CCDC14: variants seen among roughly 807,000 people sequenced by gnomAD.
CCDC14 encodes the protein coiled-coil domain-containing protein 14.
A neutral mutation model predicts 81.4 loss-of-function variants in CCDC14; 71 were observed. The observed-to-expected ratio is 0.87, with a 90% CI of 0.72 to 1.06. The LOEUF (loss-of-function observed/expected upper bound fraction) is 1.06, where lower values mean the gene tolerates loss of function less well. CCDC14 is among the 50% of genes least tolerant of loss of function. The pLI, the probability that CCDC14 is intolerant of heterozygous loss-of-function variation, is 0.00. For missense variants in CCDC14, 1,046 were observed against 1,047.3 expected (o/e 1.00, Z 0.02); for synonymous variants, 332 against 364.8 (o/e 0.91, Z 1.03).
intron 12 of CCDC14, among the ~76,000 whole-genome samples, chr3:123,920,203 T>C (rs940070402): frequency 6.6e-6 from 1 of 151,950 alleles, no homozygotes; most frequent in East Asian, 1.9e-4. Flanking sequence ...TTTAAAATTA[T>C]CCAGTCAGAA....
At chr3:123,946,739 T>TA in intron 8 of CCDC14, 64 bp downstream of exon 8, 1 of 1,434,528 alleles carries the variant, frequency 7.0e-7, no homozygotes, top group East Asian at 2.3e-5. Context: ...AAATGATAGC[T>TA]AAATAACATG....
chr3:123,961,198 G>A lies in CCDC14; in HGVS notation c.-25C>T. ...TCTCTCGCCGCCTCAGAGAAGCCCAGACCGAGGGAAGTGAAGCCTCACGGT... is the reference window on the plus strand; with the variant it reads ...TCTCTCGCCGCCTCAGAGAAGCCCAAACCGAGGGAAGTGAAGCCTCACGGT... On this transcript the variant is annotated 5_prime_UTR_variant, in exon 1 of 13. Coordinates refer to ENST00000409697, the MANE Select transcript of CCDC14 (RefSeq NM_001366335.1). 6.4e-7 allele frequency: 1 copy of A among 1,551,640 alleles called. No homozygotes were observed. The highest frequency in any genetic ancestry group is 8.7e-7 in the Non-Finnish European group (1 of 1,147,002).
chr3:123,953,556 T>C (rs971957051), intron 5 of CCDC14: 2 of 152,202 alleles, frequency 1.3e-5, no homozygotes, highest in Admixed American at 6.5e-5. Flanking sequence ...CTAGCATCCA[T>C]GACACAGTAA....
At chr3:123,897,057 TA>T (rs1382601688), downstream of CCDC14, among the ~76,000 whole-genome samples, 1 of 152,148 alleles carries the variant, frequency 6.6e-6, no homozygotes, top group Non-Finnish European at 1.5e-5. Context: ...ATACAACTGG[TA>T]AGTGATGGCA....
the CCDC14 span, among the ~76,000 whole-genome samples, chr3:123,890,516 A>AATAAAGGG: frequency 6.6e-6 from 1 of 152,220 alleles, no homozygotes; most frequent in Non-Finnish European, 1.5e-5. Context: ...ATTTGGCCAA[A>AATAAAGGG]ATAAAGGGAC....
chr3:123,913,663 CTA>C lies in CCDC14; in HGVS notation c.*1114_*1115del. ...GCTGGCTCCTTCAAACGCTGTAGCACTAACACCTAAAAAAAAAAAAAAAACCA... is the reference window on the plus strand; with the variant it reads ...GCTGGCTCCTTCAAACGCTGTAGCACACACCTAAAAAAAAAAAAAAAACCA... On this transcript the variant is annotated 3_prime_UTR_variant, in exon 13 of 13. Transcript: ENST00000409697. 1.0e-6 allele frequency: 1 copy of C among 962,134 alleles called. No homozygotes were observed. The highest frequency in any genetic ancestry group is 4.8e-5 in the South Asian group (1 of 20,710). 59.6% of individuals were successfully genotyped at this position (962,134 alleles called of 1,614,324 possible).
chr3:123,960,836 C>T (rs1362561575), intron 1 of CCDC14, among the ~76,000 whole-genome samples: 2 of 152,164 alleles, frequency 1.3e-5, no homozygotes, highest in Non-Finnish European at 2.9e-5. Flanking sequence ...TCTCAATCTG[C>T]AGGTGACTGA....
the CCDC14 span, among the ~76,000 whole-genome samples, chr3:123,885,771 G>A: frequency 1.3e-5 from 2 of 152,052 alleles, no homozygotes; most frequent in African/African-American, 2.4e-5. Flanking sequence ...GTTAACAGCC[G>A]TCGATGCTCA....
Position 123,946,810 on chromosome 3 carries a change from T to C in CCDC14, c.1194A>G (p.Ala398=), listed in dbSNP as rs2036649895. The change falls in exon 8 of 13, where the codon GCA becomes GCG. Residue 398 remains alanine (A), a synonymous_variant. Coordinates refer to ENST00000409697, the MANE Select transcript of CCDC14 (RefSeq NM_001366335.1). Reference sequence around the variant, plus strand: ...GTTATAAGTCCCATCTACCTTGTTCTGCTACCAGGGCCTTGAGCTCTCCCA... The same window carrying C: ...GTTATAAGTCCCATCTACCTTGTTCCGCTACCAGGGCCTTGAGCTCTCCCA... The part of the protein sequence containing the change: ...YLLGELKALV[A]EQEDSEIQRL... The C allele has an allele frequency of 1.2e-6, 2 of 1,612,930 alleles. No homozygotes were observed. The highest frequency in any genetic ancestry group is 8.5e-7 in the Non-Finnish European group (1 of 1,179,444).
At chr3:123,940,860 A>G (rs926838804) in intron 9 of CCDC14, among the ~76,000 whole-genome samples, 8 of 152,052 alleles carry the variant, frequency 5.3e-5, no homozygotes, top group African/African-American at 1.9e-4. Context: ...ATCTTAACTC[A>G]CAGGCTCTCC....
chr3:123,955,872 G>A lies in CCDC14; in HGVS notation c.323C>T (p.Thr108Ile). The A allele has an allele frequency of 1.3e-6, 2 of 1,533,618 alleles. No homozygotes were observed. Among genetic ancestry groups the A allele is most frequent in the Non-Finnish European group, 1.8e-6 (2 of 1,137,894 alleles). Residue 108 changes from threonine to isoleucine, a missense_variant, in exon 5 of 13, where the codon ACT (threonine) becomes ATT (isoleucine). Thr to Ile is a moderately conservative substitution (Grantham distance 89, BLOSUM62 -1). Transcript: ENST00000409697. ...GSKKKRHEKH[T>I]IPLVVQKETS... is the part of the protein sequence containing the mutation. ...TTCTTTCTGGACTACCAAAGGAATA[G>A]TATGTTTTTCATGTCTTTTCTTTTT... is the stretch of plus-strand genomic sequence containing the variant.
Position 123,920,738 on chromosome 3 carries a change from A to C in CCDC14, c.1779-5020T>G, listed in dbSNP as rs192798013. The stretch of plus-strand genomic sequence containing the variant: ...AAAGATCACTAATTAATACCATGAA[A>C]CACATGCAATTATAAAACTCAATGG... On this transcript the variant is annotated intron_variant, in intron 12 of 12. Transcript: ENST00000409697. Among the ~76,000 whole-genome samples, 34 of 152,322 alleles carry C rather than the reference A, an allele frequency of 2.2e-4. No homozygotes were observed. The East Asian group carries it at 6.4e-3, about 28-fold the overall frequency.
chr3:123,935,862 C>T (rs1349108705), intron 9 of CCDC14, among the ~76,000 whole-genome samples: 1 of 152,074 alleles, frequency 6.6e-6, no homozygotes, highest in Non-Finnish European at 1.5e-5. Context: ...GTATACTTTC[C>T]TTTTTTCACT....
downstream of CCDC14, among the ~76,000 whole-genome samples, chr3:123,895,620 T>A (rs2700363): frequency 1.3e-5 from 2 of 152,086 alleles, no homozygotes; most frequent in African/African-American, 4.8e-5. Flanking sequence ...GGGGAATAAT[T>A]TTTTTGTTTG....
In CCDC14 at chr3:123,947,054, G is replaced by T. The variant is rs375437364; in HGVS notation, c.950C>A (p.Thr317Lys). ...LSLFRSHGKETHLDSQTHRSP... is the reference protein window; with the variant it reads ...LSLFRSHGKEKHLDSQTHRSP... Reference sequence around the variant, plus strand: ...TCGGTGTGTCTGACTGTCCAGATGCGTTTCTTTTCCATGAGATCGAAAAAG... The same window carrying T: ...TCGGTGTGTCTGACTGTCCAGATGCTTTTCTTTTCCATGAGATCGAAAAAG... The change falls in exon 8 of 13, where the codon ACG becomes AAG. Residue 317 changes from threonine to lysine, a missense_variant. Thr to Lys is a moderately conservative substitution (Grantham distance 78). Transcript: ENST00000409697. The T allele has an allele frequency of 6.2e-7, 1 of 1,613,906 alleles. No individual in the cohort carries two copies. Among genetic ancestry groups the T allele is most frequent in the Non-Finnish European group, 8.5e-7 (1 of 1,179,872 alleles).
intron 9 of CCDC14, among the ~76,000 whole-genome samples, chr3:123,944,382 C>A (rs2036518884): frequency 6.6e-6 from 1 of 152,142 alleles, no homozygotes; most frequent in Non-Finnish European, 1.5e-5. Flanking sequence ...CCCATTACCA[C>A]ATCCACATTC....
In CCDC14 at chr3:123,914,517, T is replaced by A; in HGVS notation, c.*262A>T. ...TACATCTTAATAAAAGAACTCTAATTGCTAAGTACTGAAATAAAACATTAC... is the reference window on the plus strand; with the variant it reads ...TACATCTTAATAAAAGAACTCTAATAGCTAAGTACTGAAATAAAACATTAC... On this transcript the variant is annotated 3_prime_UTR_variant, in exon 13 of 13. Coordinates refer to ENST00000409697, the MANE Select transcript of CCDC14 (RefSeq NM_001366335.1). 9.2e-7 allele frequency: 1 copy of A among 1,086,546 alleles called. No individual in the cohort carries two copies. Among genetic ancestry groups the A allele is most frequent in the African/African-American group, 1.7e-5 (1 of 60,428 alleles). 67.3% of individuals were successfully genotyped at this position (1,086,546 alleles called of 1,614,324 possible).
chr3:123,930,716 A>T (rs149705914), intron 12 of CCDC14: 2 of 160,452 alleles, frequency 1.2e-5, no homozygotes, highest in Non-Finnish European at 1.4e-5. Flanking sequence ...AACTCTATTC[A>T]TGTCCCTACT....
At chr3:123,899,695 A>C (rs1199363398) in intron 5 of CCDC14, among the ~76,000 whole-genome samples, 3 of 152,104 alleles carry the variant, frequency 2.0e-5, no homozygotes, top group Admixed American at 6.6e-5. Flanking sequence ...GCTTCCTGTC[A>C]TCAGTCTTGT....
Sources: allele counts gnomAD v4.1 joint callset (sites outside exome capture counted in the v4.1 genomes callset), GRCh38; gene constraint gnomAD v4.1.1; transcripts MANE v1.5; gene names NCBI Gene and HGNC (gene_info 2026-07-23, HGNC 2026-07-21).